PCMT1: variants seen among roughly 807,000 people sequenced by gnomAD.
PCMT1 encodes protein-L-isoaspartate (D-aspartate) O-methyltransferase.
A neutral mutation model predicts 29.2 loss-of-function variants in PCMT1; 9 were observed. The ratio of observed to expected loss-of-function variants is 0.31; its 90% CI spans 0.19 to 0.54. The LOEUF is 0.54. Among genes scored for constraint, PCMT1 ranks in the 20% least tolerant of loss-of-function variants. The pLI, the probability that PCMT1 is intolerant of heterozygous loss-of-function variation, is 0.95. For synonymous variants in PCMT1, 98 were observed against 97.5 expected, an observed-to-expected ratio of 1.00 and a Z score of -0.03; for missense variants, 184 against 282.2, an observed-to-expected ratio of 0.65 and a Z score of 2.49.
chr6:149,759,774 C>T lies in PCMT1; in HGVS notation c.55+9818C>T, dbSNP rs182793491. Reference sequence around the variant, plus strand: ...CCTCCCAAAGTGCTGGGATTACAGGCGTGAGCCACTGCGCCCGGCCTATTT... The same window carrying T: ...CCTCCCAAAGTGCTGGGATTACAGGTGTGAGCCACTGCGCCCGGCCTATTT... On this transcript the variant is annotated intron_variant, in intron 1 of 7. Coordinates refer to ENST00000464889, the MANE Select transcript of PCMT1 (RefSeq NM_001360452.2). Among the ~76,000 whole-genome samples the T allele has an allele frequency of 3.5e-3, 531 of 152,248 alleles. 3 individuals are homozygous for T. The highest frequency in any genetic ancestry group is 0.012 in the African/African-American group (502 of 41,542).
chr6:149,765,650 TTTTTTTA>T lies in PCMT1; in HGVS notation c.56-5484_56-5478del, dbSNP rs530765425. The T allele has an allele frequency of 1.0e-3, 389 of 375,862 alleles. 3 individuals carry two copies. The East Asian group carries it at 0.012, about 11-fold the overall frequency. The allele number at this position is 375,862 out of a possible 1,614,324, so 23.3% of individuals were successfully genotyped here. A position where few individuals can be genotyped will look rare whatever the true frequency, so the allele number is the denominator to read the frequency against. ...TTTATAGTGTCGTTAATTGACCTTA[TTTTTTTA>T]TTTTTTATTTTTTATTTTTTATTTT... On this transcript the variant is annotated intron_variant, in intron 1 of 7. Coordinates refer to ENST00000464889, the MANE Select transcript of PCMT1 (RefSeq NM_001360452.2).
In PCMT1 at chr6:149,756,512, C is replaced by CTATTTT. The variant is rs1407016123; in HGVS notation, c.55+6557_55+6558insATTTTT. Among the ~76,000 whole-genome samples, 81 of 74,724 alleles carry CTATTTT rather than the reference C, an allele frequency of 1.1e-3. 23 individuals are homozygous for CTATTTT. The highest frequency in any genetic ancestry group is 3.7e-3 in the African/African-American group (69 of 18,634). The allele number at this position is 74,724 out of a possible 152,430, so 49.0% of individuals were successfully genotyped here. ...TACAGATGCACACCACCATGACTGG[C>CTATTTT]TTTTTTTTTTTTTTTTTTTTTTTTT... On this transcript the variant is annotated intron_variant, in intron 1 of 7. Transcript: ENST00000464889.
Position 149,765,980 on chromosome 6 carries a change from A to ATT in PCMT1, c.56-5168_56-5167dup, listed in dbSNP as rs58014361. On this transcript the variant is annotated intron_variant, in intron 1 of 7. Transcript: ENST00000464889. ...AAACTCTGTCTCAAAAAAAAAATAA[A>ATT]TTTTTTTTTTTTTTTACTATCTGGT... Among the ~76,000 whole-genome samples the ATT allele has an allele frequency of 7.2e-3, 1,039 of 145,122 alleles. 4 individuals carry two copies. Among genetic ancestry groups the ATT allele is most frequent in the African/African-American group, 0.015 (600 of 39,382 alleles).
intron 1 of PCMT1, among the ~76,000 whole-genome samples, chr6:149,758,998 T>G (rs1786633269): frequency 6.6e-6 from 1 of 152,130 alleles, no homozygotes; most frequent in Non-Finnish European, 1.5e-5. Flanking sequence ...TACCTCAGCC[T>G]CCCGAATAGC....
At chr6:149,757,314 A>G (rs1052661057) in intron 1 of PCMT1, among the ~76,000 whole-genome samples, 1 of 152,158 alleles carries the variant, frequency 6.6e-6, no homozygotes, top group Non-Finnish European at 1.5e-5. Flanking sequence ...ATTGCAGTAG[A>G]TCTTGATGCT....
In PCMT1 at chr6:149,777,879, T is replaced by C. The variant is rs561781465; in HGVS notation, c.192+4710T>C. Among the ~76,000 whole-genome samples the C allele has an allele frequency of 6.5e-4, 89 of 137,686 alleles. 1 individual carries two copies. In the South Asian group the frequency reaches 7.6e-3, roughly 12 times the overall value. The allele number at this position is 137,686 out of a possible 152,430, so 90.3% of individuals were successfully genotyped here. On this transcript the variant is annotated intron_variant, in intron 3 of 7. Coordinates refer to ENST00000464889, the MANE Select transcript of PCMT1 (RefSeq NM_001360452.2). ...TTCCTTCTTTCCTTCTTTTCTTCTT[T>C]TTTTTTTTTTTTTTTTCCACAAAGT...
chr6:149,761,058 C>A (rs1165722968), intron 1 of PCMT1, among the ~76,000 whole-genome samples: 1 of 140,082 alleles, frequency 7.1e-6, no homozygotes, highest in Non-Finnish European at 1.6e-5. Flanking sequence ...TGTGTGTATA[C>A]ACACATATAT....
chr6:149,786,590 T>C (rs1190513456), intron 3 of PCMT1, among the ~76,000 whole-genome samples: 18 of 122,802 alleles, frequency 1.5e-4, no homozygotes, highest in Admixed American at 7.5e-4. Context: ...GTCTCCTCAC[T>C]TCTCAGATGG....
chr6:149,750,285 T>C, intron 1 of PCMT1: 2 of 342,686 alleles, frequency 5.8e-6, no homozygotes, highest in Admixed American at 9.2e-5. Context: ...CGGGTCCGGC[T>C]TGTGAGGGGC....
intron 5 of PCMT1, among the ~76,000 whole-genome samples, chr6:149,794,426 T>G (rs780052627): frequency 6.6e-6 from 1 of 152,090 alleles, no homozygotes; most frequent in Non-Finnish European, 1.5e-5. Context: ...GAGACCAGCC[T>G]GACCAACATG....
At chr6:149,763,786 G>A (rs1022373670) in intron 1 of PCMT1, among the ~76,000 whole-genome samples, 17 of 152,092 alleles carry the variant, frequency 1.1e-4, no homozygotes, top group African/African-American at 4.1e-4. Context: ...GAGTGAAGCT[G>A]CCTAACCTGA....
intron 1 of PCMT1, among the ~76,000 whole-genome samples, chr6:149,751,495 T>G (rs1786319155): frequency 7.1e-6 from 1 of 140,618 alleles, no homozygotes; most frequent in Non-Finnish European, 1.6e-5. Context: ...TTTTTTTTTT[T>G]TTTTGAGACA....
chr6:149,781,245 G>A (rs1391334959), intron 3 of PCMT1, among the ~76,000 whole-genome samples: 1 of 87,726 alleles, frequency 1.1e-5, no homozygotes, highest in Non-Finnish European at 2.5e-5. Flanking sequence ...TTTTTTTTCT[G>A]AGACAGAGTC....
intron 1 of PCMT1, among the ~76,000 whole-genome samples, chr6:149,767,670 T>C (rs1367739199): frequency 6.6e-6 from 1 of 151,622 alleles, no homozygotes; most frequent in African/African-American, 2.4e-5. Context: ...CCCAGGCTGG[T>C]CTCGAACTCC....
chr6:149,803,352 A>C (rs1583060425), intron 7 of PCMT1, among the ~76,000 whole-genome samples: 1 of 152,262 alleles, frequency 6.6e-6, no homozygotes, highest in African/African-American at 2.4e-5. Flanking sequence ...AGGAAGAGGC[A>C]AGGATTCTAC....
chr6:149,768,072 G>T (rs894341157), intron 1 of PCMT1, among the ~76,000 whole-genome samples: 6 of 151,578 alleles, frequency 4.0e-5, no homozygotes, highest in African/African-American at 1.5e-4. Flanking sequence ...GGGATTACAG[G>T]CATGAGCCAC....
At chr6:149,779,026 C>G (rs900411950) in intron 3 of PCMT1, among the ~76,000 whole-genome samples, 2 of 151,982 alleles carry the variant, frequency 1.3e-5, no homozygotes, top group African/African-American at 4.8e-5. Flanking sequence ...GAAGGTAGAA[C>G]GTAATATAGC....
chr6:149,749,760 C>CGACGGCAGT lies in PCMT1; in HGVS notation c.-141_-133dup. ...GAGCGCGCAGTGGCGGCAGCGGCGGCGACGGCAGTAACAGCGGCAGCTACA... is the reference window on the plus strand; with the variant it reads ...GAGCGCGCAGTGGCGGCAGCGGCGGCGACGGCAGTGACGGCAGTAACAGCGGCAGCTACA... On this transcript the variant is annotated 5_prime_UTR_variant, in exon 1 of 8. Coordinates refer to ENST00000464889, the MANE Select transcript of PCMT1 (RefSeq NM_001360452.2). 1 of 1,546,222 alleles carries CGACGGCAGT rather than the reference C, an allele frequency of 6.5e-7. No individual in the cohort carries two copies. Among genetic ancestry groups the CGACGGCAGT allele is most frequent in the South Asian group, 1.2e-5 (1 of 83,886 alleles).
At position 149,795,588 on chromosome 6, in the gene PCMT1, G is replaced by A. The variant is rs189602696; in HGVS notation, c.419-827G>A. On this transcript the variant is annotated intron_variant, in intron 5 of 7. Transcript: ENST00000464889. ...CTTTACACAACCCAATGAGAAAGGA[G>A]AGTATGAAGTAGCAGAGGGAATTGG... 5.3e-5 allele frequency: 28 copies of A among 525,534 alleles called. No homozygotes were observed. In the East Asian group the frequency reaches 1.4e-3, roughly 26 times the overall value. The allele number at this position is 525,534 out of a possible 1,614,324, so 32.6% of individuals were successfully genotyped here.
Sources: allele counts gnomAD v4.1 joint callset (sites outside exome capture counted in the v4.1 genomes callset), GRCh38; gene constraint gnomAD v4.1.1; transcripts MANE v1.5; gene names NCBI Gene and HGNC (gene_info 2026-07-23, HGNC 2026-07-21).